Variants in RBFOX1 observed in about 807,000 individuals in gnomAD.
RBFOX1 encodes the protein RNA binding fox-1 homolog 1, also known as RNA binding protein fox-1 homolog 1.
A neutral mutation model predicts 57.7 loss-of-function variants in RBFOX1; 8 were observed. That is an observed-to-expected ratio of 0.14 (90% CI 0.08 to 0.25). The LOEUF is 0.25. Among genes scored for constraint, RBFOX1 ranks in the 10% least tolerant of loss-of-function variants. RBFOX1 has a pLI of 1.00. For synonymous variants in RBFOX1, 326 were observed against 222.4 expected, an observed-to-expected ratio of 1.47 and a Z score of -4.15; for missense variants, 611 against 548.5, an observed-to-expected ratio of 1.11 and a Z score of -1.14.
At chr16:5,539,948 C>T (rs1296961921) in intron 2 of RBFOX1, among the ~76,000 whole-genome samples, 1 of 152,078 alleles carries the variant, frequency 6.6e-6, no homozygotes, top group Non-Finnish European at 1.5e-5. Flanking sequence ...TTGGCTTTGA[C>T]AGGGTAAAAT....
At chr16:6,890,902 C>A (rs577400915) in intron 3 of RBFOX1, among the ~76,000 whole-genome samples, 1 of 152,166 alleles carries the variant, frequency 6.6e-6, no homozygotes, top group Non-Finnish European at 1.5e-5. Context: ...ATGAAGTGAG[C>A]ATGAAGTGAG....
chr16:5,315,448 C>T (rs1458456993), intron 1 of RBFOX1, among the ~76,000 whole-genome samples: 1 of 152,138 alleles, frequency 6.6e-6, no homozygotes, highest in Non-Finnish European at 1.5e-5. Context: ...TACTCAGTTC[C>T]TGAGTCTGGA....
intron 5 of RBFOX1, among the ~76,000 whole-genome samples, chr16:7,521,391 T>A (rs2077485963): frequency 6.6e-6 from 1 of 152,212 alleles, no homozygotes; most frequent in Non-Finnish European, 1.5e-5. Context: ...AAAAAGAGTT[T>A]AAGCCAGAAG....
At chr16:5,360,140 C>A (rs1302501901) in intron 1 of RBFOX1, among the ~76,000 whole-genome samples, 1 of 152,196 alleles carries the variant, frequency 6.6e-6, no homozygotes, top group African/African-American at 2.4e-5. Flanking sequence ...GATGTTGCTC[C>A]ATAGGCTCCT....
At chr16:5,919,944 C>G (rs1212384074) in intron 4 of RBFOX1, among the ~76,000 whole-genome samples, 1 of 150,386 alleles carries the variant, frequency 6.6e-6, no homozygotes, top group African/African-American at 2.5e-5. Context: ...TATATCAGTA[C>G]TTCCATTTTT....
chr16:6,885,622 C>G (rs949781498), intron 3 of RBFOX1, among the ~76,000 whole-genome samples: 10 of 152,006 alleles, frequency 6.6e-5, no homozygotes, highest in African/African-American at 2.4e-4. Flanking sequence ...ACCTCTGCCT[C>G]CTGAGTTCAA....
At chr16:5,314,120 G>A (rs2064166246) in intron 1 of RBFOX1, among the ~76,000 whole-genome samples, 1 of 152,208 alleles carries the variant, frequency 6.6e-6, no homozygotes, top group African/African-American at 2.4e-5. Flanking sequence ...ACAATCTGAT[G>A]AGCTGGGTGC....
intron 3 of RBFOX1, among the ~76,000 whole-genome samples, chr16:6,994,539 A>T (rs1354257445): frequency 6.6e-6 from 1 of 152,152 alleles, no homozygotes; most frequent in African/African-American, 2.4e-5. Context: ...TTTTAATAGA[A>T]GCAAAAGAAG....
At chr16:5,764,085 T>C (rs2053688363) in intron 3 of RBFOX1, among the ~76,000 whole-genome samples, 1 of 152,178 alleles carries the variant, frequency 6.6e-6, no homozygotes, top group Non-Finnish European at 1.5e-5. Context: ...ACTTAACTAA[T>C]GAATGAATAA....
Position 7,711,333 on chromosome 16 carries a change from T to G in RBFOX1, c.*588T>G, listed in dbSNP as rs1188122392. 1 of 152,616 alleles carries G rather than the reference T, an allele frequency of 6.6e-6. No individual in the cohort carries two copies. The highest frequency in any genetic ancestry group is 2.4e-5 in the African/African-American group (1 of 41,452). The allele number at this position is 152,616 out of a possible 1,614,324, so 9.5% of individuals were successfully genotyped here. On this transcript the variant is annotated 3_prime_UTR_variant, in exon 16 of 16. Transcript: ENST00000550418. ...TGCCAGTTCAAGCCAAAGGTCATGT[T>G]GTTAAGGGGGTGCTTCTAGTAGCAC...
chr16:5,455,020 T>TTTCCTTCC (rs1491529740), intron 1 of RBFOX1, among the ~76,000 whole-genome samples: 1 of 115,914 alleles, frequency 8.6e-6, no homozygotes, highest in African/African-American at 3.2e-5. Flanking sequence ...TCTTTCTTTC[T>TTTCCTTCC]TTCTCTCTCT....
At chr16:7,562,387 C>G (rs1276834595) in intron 5 of RBFOX1, among the ~76,000 whole-genome samples, 1 of 152,102 alleles carries the variant, frequency 6.6e-6, no homozygotes, top group Non-Finnish European at 1.5e-5. Flanking sequence ...GGCAGGAGTT[C>G]TAAGGGTGTC....
chr16:7,621,866 G>T (rs937171302), intron 10 of RBFOX1, among the ~76,000 whole-genome samples: 4 of 152,134 alleles, frequency 2.6e-5, no homozygotes, highest in African/African-American at 9.7e-5. Context: ...AGGCCATAAG[G>T]TCTCTGTGCA....
At chr16:6,443,828 A>G (rs2094434463) in intron 2 of RBFOX1, among the ~76,000 whole-genome samples, 2 of 151,968 alleles carry the variant, frequency 1.3e-5, no homozygotes, top group African/African-American at 4.8e-5. Context: ...CCATCTAGCT[A>G]TCCATTCATC....
At chr16:5,271,790 C>T (rs1256639542) in intron 1 of RBFOX1, among the ~76,000 whole-genome samples, 5 of 152,192 alleles carry the variant, frequency 3.3e-5, no homozygotes, top group African/African-American at 1.2e-4. Flanking sequence ...CACTGTCCTA[C>T]TCTCTATTTC....
chr16:7,631,591 G>A (rs756347034), intron 11 of RBFOX1, among the ~76,000 whole-genome samples: 2 of 152,176 alleles, frequency 1.3e-5, no homozygotes, highest in Non-Finnish European at 2.9e-5. Context: ...TGCAGAATGA[G>A]TCGTCTTTAG....
intron 3 of RBFOX1, among the ~76,000 whole-genome samples, chr16:6,950,304 C>T (rs1212003031): frequency 6.6e-6 from 1 of 151,874 alleles, no homozygotes; most frequent in Non-Finnish European, 1.5e-5. Context: ...CTGCATCTCA[C>T]AGCCTCATGT....
At chr16:7,096,312 G>T (rs1179044679) in intron 4 of RBFOX1, among the ~76,000 whole-genome samples, 2 of 152,170 alleles carry the variant, frequency 1.3e-5, no homozygotes, top group African/African-American at 4.8e-5. Context: ...ATGACAGGCA[G>T]TCAGAACCAG....
chr16:6,855,711 G>C (rs146069357), intron 3 of RBFOX1, among the ~76,000 whole-genome samples: 1 of 151,262 alleles, frequency 6.6e-6, no homozygotes, highest in Non-Finnish European at 1.5e-5. Flanking sequence ...TCGAAACCTT[G>C]ATTGCACTTC....
Sources: gnomAD v4.1 joint callset for allele counts (sites outside exome capture counted in the v4.1 genomes callset) on GRCh38, gnomAD v4.1.1 for gene constraint, MANE v1.5 for transcripts, NCBI Gene and HGNC (gene_info 2026-07-23, HGNC 2026-07-21) for gene names.